The following KDELR2 variants were observed in gnomAD, a reference collection of about 807,000 sequenced individuals.
KDELR2 encodes the protein KDEL endoplasmic reticulum protein retention receptor 2.
KDELR2 carries 15 observed loss-of-function variants against 23.9 expected under a neutral mutation model. That is an observed-to-expected ratio of 0.63 (90% CI 0.42 to 0.97). The LOEUF is 0.97. KDELR2 is among the 50% of genes least tolerant of loss of function. KDELR2 has a pLI of 0.00. For missense variants in KDELR2, 272 were observed against 254.6 expected (o/e 1.07, Z -0.46); for synonymous variants, 119 against 106.2 (o/e 1.12, Z -0.74).
Position 6,469,657 on chromosome 7 carries a change from A to C in KDELR2, c.290T>G (p.Phe97Cys), listed in dbSNP as rs1785584077. ...GAGGCCTCCCACAGGGACCACCAGA[A>C]ACTCCACTCGGAAGGTATCATGATT... is the stretch of plus-strand genomic sequence containing the variant. The part of the protein sequence containing the change: ...DGNHDTFRVE[F>C]LVVPVGGLSF... The change falls in exon 3 of 5, where the codon TTT becomes TGT. Residue 97 changes from phenylalanine (F) to cysteine (C), a missense_variant. Coordinates refer to ENST00000258739, the MANE Select transcript of KDELR2 (RefSeq NM_006854.4). 2 of 1,614,060 alleles carry C rather than the reference A, an allele frequency of 1.2e-6. No homozygotes were observed. Among genetic ancestry groups the C allele is most frequent in the Non-Finnish European group, 1.7e-6 (2 of 1,180,012 alleles).
intron 1 of KDELR2, 32 bp downstream of exon 1, chr7:6,483,935 C>G: frequency 6.9e-7 from 1 of 1,459,340 alleles, no homozygotes; most frequent in Non-Finnish European, 9.1e-7. Flanking sequence ...CCCCCACGCC[C>G]GAGCCTCTCC....
In KDELR2 at chr7:6,461,138, G is replaced by A. The variant is rs544085767; in HGVS notation, c.*2003C>T. 1 of 152,190 alleles carries A rather than the reference G, an allele frequency of 6.6e-6. No homozygotes were observed. Among genetic ancestry groups the A allele is most frequent in the African/African-American group, 2.4e-5 (1 of 41,450 alleles). The allele number at this position is 152,190 out of a possible 1,614,324, so 9.4% of individuals were successfully genotyped here. ...GGGAAGTGAAAGTAACTGTGAAACA[G>A]TGCTTCATAAGGCGTGGCATACAAG... On this transcript the variant is annotated 3_prime_UTR_variant, in exon 5 of 5. Coordinates refer to ENST00000258739, the MANE Select transcript of KDELR2 (RefSeq NM_006854.4).
chr7:6,465,461 C>A (rs373424510), intron 4 of KDELR2, among the ~76,000 whole-genome samples: 1 of 146,002 alleles, frequency 6.8e-6, no homozygotes, highest in Non-Finnish European at 1.5e-5. Context: ...CGATTACAGG[C>A]GTGAGCCACT....
At chr7:6,472,396 C>A (rs569064767) in intron 2 of KDELR2, among the ~76,000 whole-genome samples, 1 of 152,324 alleles carries the variant, frequency 6.6e-6, no homozygotes, top group African/African-American at 2.4e-5. Flanking sequence ...CACCTCGGGT[C>A]TCACGCCAGA....
chr7:6,468,447 G>A (rs2115324917), intron 3 of KDELR2, among the ~76,000 whole-genome samples: 1 of 152,134 alleles, frequency 6.6e-6, no homozygotes, highest in Middle Eastern at 3.4e-3. Context: ...TCCTGCCTCA[G>A]CCTCCTGAGT....
chr7:6,463,523 GA>G (rs376774825), intron 4 of KDELR2, among the ~76,000 whole-genome samples: 1 of 152,042 alleles, frequency 6.6e-6, no homozygotes, highest in African/African-American at 2.4e-5. Flanking sequence ...TTGAAGCTAG[GA>G]GTTCAAGACC....
Position 6,462,718 on chromosome 7 carries a change from T to C in KDELR2, c.*423A>G, listed in dbSNP as rs752706774. The C allele has an allele frequency of 2.8e-6, 1 of 359,804 alleles. No individual in the cohort carries two copies. The highest frequency in any genetic ancestry group is 5.0e-6 in the Non-Finnish European group (1 of 201,588). 22.3% of individuals were successfully genotyped at this position (359,804 alleles called of 1,614,324 possible). A position where few individuals can be genotyped will look rare whatever the true frequency, so the allele number is the denominator to read the frequency against. Reference sequence around the variant, plus strand: ...AAAATAAATATAGTGGAATGCAAGTTTGAGGGATGGAAGAATATATAATCT... The same window carrying C: ...AAAATAAATATAGTGGAATGCAAGTCTGAGGGATGGAAGAATATATAATCT... On this transcript the variant is annotated 3_prime_UTR_variant, in exon 5 of 5. Transcript: ENST00000258739.
chr7:6,474,739 C>T (rs1785720098), intron 1 of KDELR2, among the ~76,000 whole-genome samples: 1 of 152,216 alleles, frequency 6.6e-6, no homozygotes, highest in Non-Finnish European at 1.5e-5. Flanking sequence ...ATCAAGCTCA[C>T]TGTAGCCTTG....
At chr7:6,470,527 T>C (rs1785608556) in intron 2 of KDELR2, 1 of 152,120 alleles carries the variant, frequency 6.6e-6, no homozygotes, top group Admixed American at 6.5e-5. Flanking sequence ...TGAAATGAAG[T>C]AAGTGGGTTG....
chr7:6,478,399 T>C (rs1183716107), intron 1 of KDELR2, among the ~76,000 whole-genome samples: 1 of 152,138 alleles, frequency 6.6e-6, no homozygotes, highest in Non-Finnish European at 1.5e-5. Context: ...CCTTTAGCTT[T>C]GACCTCCCAA....
rs749289046 is a variant in KDELR2, at chr7:6,469,713, G to T, written c.234C>A (p.Ile78=). Residue 78 remains isoleucine (I), a synonymous_variant, in exon 3 of 5, where the codon ATC becomes ATA. Coordinates refer to ENST00000258739, the MANE Select transcript of KDELR2 (RefSeq NM_006854.4). Reference sequence around the variant, plus strand: ...CGTAGGTTGCCTTAAATTTCAGGTAGATCAGGTACACTGTGGCATAGGAGC... The same window carrying T: ...CGTAGGTTGCCTTAAATTTCAGGTATATCAGGTACACTGTGGCATAGGAGC... ...LACSYATVYL[I]YLKFKATYDG... The T allele has an allele frequency of 2.0e-5, 32 of 1,613,994 alleles. No homozygotes were observed. Among genetic ancestry groups the T allele is most frequent in the Non-Finnish European group, 2.6e-5 (31 of 1,179,986 alleles).
chr7:6,472,692 T>A (rs1785674813), intron 2 of KDELR2, among the ~76,000 whole-genome samples: 1 of 152,186 alleles, frequency 6.6e-6, no homozygotes, highest in Non-Finnish European at 1.5e-5. Flanking sequence ...ACAGTGCTTA[T>A]GAAAATGCTC....
intron 1 of KDELR2, among the ~76,000 whole-genome samples, chr7:6,475,227 G>C (rs1785728733): frequency 6.6e-6 from 1 of 152,246 alleles, no homozygotes; most frequent in South Asian, 2.1e-4. Context: ...AGAATCGCTT[G>C]AGCCCAGGAG....
intron 3 of KDELR2, among the ~76,000 whole-genome samples, chr7:6,469,118 A>AT (rs904706996): frequency 9.3e-5 from 14 of 150,384 alleles, no homozygotes; most frequent in Non-Finnish European, 1.8e-4. Flanking sequence ...TGCCCAGCTA[A>AT]TTTTTTTTAT....
chr7:6,466,432 G>C, intron 3 of KDELR2, 109 bp from the exon 4 acceptor site: 1 of 1,385,852 alleles, frequency 7.2e-7, no homozygotes, highest in Non-Finnish European at 9.8e-7. Flanking sequence ...GTGGGGAGTG[G>C]GGCATGTCGG....
At chr7:6,479,243 G>A (rs1316208012) in intron 1 of KDELR2, among the ~76,000 whole-genome samples, 8 of 150,854 alleles carry the variant, frequency 5.3e-5, no homozygotes, top group South Asian at 4.2e-4. Flanking sequence ...CTGCAACCTC[G>A]ACTTCCTGGG....
At chr7:6,478,978 A>T (rs1785820088) in intron 1 of KDELR2, among the ~76,000 whole-genome samples, 1 of 151,762 alleles carries the variant, frequency 6.6e-6, no homozygotes, top group Non-Finnish European at 1.5e-5. Flanking sequence ...TTTAGTAGAG[A>T]TGGGTTTCAC....
At chr7:6,474,089 G>A (rs1785706665) in intron 2 of KDELR2, 95 bp downstream of exon 2, 2 of 750,196 alleles carry the variant, frequency 2.7e-6, no homozygotes, top group Admixed American at 2.6e-5. Flanking sequence ...TATTTTTGGA[G>A]CATTTTAATT....
intron 1 of KDELR2, among the ~76,000 whole-genome samples, chr7:6,476,124 A>C (rs1395208990): frequency 6.6e-6 from 1 of 152,190 alleles, no homozygotes; most frequent in African/African-American, 2.4e-5. Context: ...ATGAACAATC[A>C]TTTTGCAGCT....
Sources: allele counts gnomAD v4.1 joint callset (sites outside exome capture counted in the v4.1 genomes callset), GRCh38; gene constraint gnomAD v4.1.1; transcripts MANE v1.5; gene names NCBI Gene and HGNC (gene_info 2026-07-23, HGNC 2026-07-21).